INIP: variants seen among roughly 807,000 people sequenced by gnomAD.
INIP encodes INTS3 and NABP interacting protein.
Under a neutral mutation model 14.0 loss-of-function variants are expected in INIP, and 9 were observed. That is an observed-to-expected ratio of 0.64 (90% confidence interval 0.39 to 1.12). The LOEUF is 1.12. Among genes scored for constraint, INIP ranks in the 50% most tolerant of loss-of-function variants. The pLI, the probability that INIP is intolerant of heterozygous loss-of-function variation, is 0.01. For missense variants in INIP, 78 were observed against 122.7 expected (o/e 0.64, Z 1.72); for synonymous variants, 37 against 41.5 (o/e 0.89, Z 0.41).
intron 3 of INIP, 186 bp downstream of exon 3, chr9:112,693,945 G>A: frequency 2.7e-6 from 1 of 372,826 alleles, no homozygotes; most frequent in South Asian, 3.7e-5. Flanking sequence ...TGTCGTGGCA[G>A]GTGCCTGTAA....
At chr9:112,711,812 G>A (rs138021475) in intron 2 of INIP, among the ~76,000 whole-genome samples, 71 of 152,278 alleles carry the variant, frequency 4.7e-4, no homozygotes, top group East Asian at 1.9e-3. Context: ...ATAATTCTAC[G>A]AAACTCATGT....
chr9:112,713,845 G>T (rs550776528), intron 2 of INIP, among the ~76,000 whole-genome samples: 3 of 152,058 alleles, frequency 2.0e-5, no homozygotes, highest in African/African-American at 7.2e-5. Flanking sequence ...TTAGCCAGGC[G>T]CAGTGGCACG....
rs1172454395 is a variant in INIP, at chr9:112,685,443, A to G, written c.*2095T>C. On this transcript the variant is annotated 3_prime_UTR_variant, in exon 5 of 5. Transcript: ENST00000374242. ...GTAGGTATTAATAAATACATAGGAAATTGAATTGAATTTGTAACTCAAAGC... is the reference window on the plus strand; with the variant it reads ...GTAGGTATTAATAAATACATAGGAAGTTGAATTGAATTTGTAACTCAAAGC... 3 of 152,082 alleles carry G rather than the reference A, an allele frequency of 2.0e-5. No individual in the cohort carries two copies. The East Asian group carries it at 5.8e-4, about 29-fold the overall frequency. 9.4% of individuals were successfully genotyped at this position (152,082 alleles called of 1,614,324 possible).
intron 2 of INIP, among the ~76,000 whole-genome samples, chr9:112,706,078 G>C (rs1259286290): frequency 2.0e-5 from 3 of 152,030 alleles, no homozygotes; most frequent in Non-Finnish European, 4.4e-5. Flanking sequence ...ACTTGTTCAA[G>C]AAATAATGCA....
intron 2 of INIP, among the ~76,000 whole-genome samples, chr9:112,696,964 G>A (rs1346826701): frequency 6.6e-6 from 1 of 152,058 alleles, no homozygotes; most frequent in African/African-American, 2.4e-5. Context: ...TTTTCTGGAG[G>A]CTCCATTACA....
intron 1 of INIP, among the ~76,000 whole-genome samples, chr9:112,717,255 C>T (rs1300886951): frequency 6.6e-6 from 1 of 152,168 alleles, no homozygotes; most frequent in Non-Finnish European, 1.5e-5. Context: ...ACTGTGTACA[C>T]TGAAAGCTAA....
intron 2 of INIP, among the ~76,000 whole-genome samples, chr9:112,709,705 T>C (rs964091906): frequency 2.6e-5 from 4 of 152,234 alleles, no homozygotes; most frequent in Non-Finnish European, 5.9e-5. Context: ...AGTGAAGTTT[T>C]TCATTAGATA....
At chr9:112,715,025 T>A (rs1354298817) in intron 2 of INIP, among the ~76,000 whole-genome samples, 1 of 152,070 alleles carries the variant, frequency 6.6e-6, no homozygotes. Context: ...ACAGTAAAAA[T>A]ATGGTTTAGG....
rs772682472 is a variant in INIP at position 112,687,603 on chromosome 9, T to C, written c.250A>G (p.Ile84Val). The C allele has an allele frequency of 5.6e-6, 9 of 1,606,256 alleles. 1 individual carries two copies. The South Asian group carries it at 9.9e-5, about 18-fold the overall frequency. ...HAHAHSSGYF[I>V]TQDSAFGNLI... The stretch of plus-strand genomic sequence containing the variant: ...TTCCCAAATGCAGAGTCTTGAGTGA[T>C]GAAGTATCCAGATGAATGTGCATGA... Residue 84 changes from isoleucine to valine, a missense_variant, in exon 5 of 5, where the codon ATC becomes GTC. Coordinates refer to ENST00000374242, the MANE Select transcript of INIP (RefSeq NM_021218.3).
intron 4 of INIP, 107 bp downstream of exon 4, chr9:112,689,420 G>T: frequency 1.1e-6 from 1 of 875,902 alleles, no homozygotes; most frequent in Non-Finnish European, 1.9e-6. Flanking sequence ...ATTATGTGTG[G>T]AACATTTTTA....
rs1010476595 is a variant in INIP at position 112,685,017 on chromosome 9, A to G, written c.*2521T>C. On this transcript the variant is annotated 3_prime_UTR_variant, in exon 5 of 5. Coordinates refer to ENST00000374242, the MANE Select transcript of INIP (RefSeq NM_021218.3). Reference sequence around the variant, plus strand: ...TCCCTTGTCAGGTAAAAATCACATGAATACTTCTAAGCCTAGCCAGACCGC... The same window carrying G: ...TCCCTTGTCAGGTAAAAATCACATGGATACTTCTAAGCCTAGCCAGACCGC... 6.6e-6 allele frequency: 1 copy of G among 152,134 alleles called. No homozygotes were observed. The highest frequency in any genetic ancestry group is 2.4e-5 in the African/African-American group (1 of 41,402). 9.4% of individuals were successfully genotyped at this position (152,134 alleles called of 1,614,324 possible).
chr9:112,688,010 T>C (rs543943127), intron 4 of INIP, among the ~76,000 whole-genome samples: 9 of 151,996 alleles, frequency 5.9e-5, no homozygotes, highest in Non-Finnish European at 1.3e-4. Context: ...GGCATGAACC[T>C]GGGAGGTGGA....
chr9:112,701,269 C>T (rs1307330320), intron 2 of INIP, among the ~76,000 whole-genome samples: 1 of 152,156 alleles, frequency 6.6e-6, no homozygotes, highest in Non-Finnish European at 1.5e-5. Context: ...GATCGTGCCA[C>T]TGCACTCCAG....
chr9:112,693,362 CTT>C (rs1837960891), intron 3 of INIP, among the ~76,000 whole-genome samples: 2 of 152,320 alleles, frequency 1.3e-5, no homozygotes, highest in East Asian at 1.9e-4. Flanking sequence ...ACTCTAGACT[CTT>C]AGCCTAGGGA....
At chr9:112,689,821 C>T (rs898374884) in intron 3 of INIP, among the ~76,000 whole-genome samples, 2 of 152,098 alleles carry the variant, frequency 1.3e-5, no homozygotes, top group African/African-American at 2.4e-5. Context: ...TCCATCACCT[C>T]GCATACTTAC....
In INIP at chr9:112,694,124, T is replaced by C; in HGVS notation, c.128+7A>G. 6.5e-7 allele frequency: 1 copy of C among 1,543,770 alleles called. No homozygotes were observed. The highest frequency in any genetic ancestry group is 1.8e-5 in the Admixed American group (1 of 54,878). On this transcript the variant is annotated splice_region_variant and intron_variant, in intron 3 of 4. Transcript: ENST00000374242. Reference sequence around the variant, plus strand: ...CAAACAAAAAACCCACATTATAGTGTCAATACCTAGCTCCAGGATGATTTG... The same window carrying C: ...CAAACAAAAAACCCACATTATAGTGCCAATACCTAGCTCCAGGATGATTTG...
intron 4 of INIP, 43 bp downstream of exon 4, chr9:112,689,484 A>G (rs1378747815): frequency 6.7e-7 from 1 of 1,489,416 alleles, no homozygotes; most frequent in Non-Finnish European, 9.4e-7. Flanking sequence ...TCTGAGATCC[A>G]GGAAACCTCC....
intron 4 of INIP, among the ~76,000 whole-genome samples, chr9:112,688,301 A>G (rs1050542485): frequency 4.6e-5 from 7 of 152,126 alleles, no homozygotes; most frequent in African/African-American, 1.7e-4. Flanking sequence ...CAGTGAGGAA[A>G]ACAAGTATCA....
At chr9:112,697,208 G>A (rs979404767) in intron 2 of INIP, among the ~76,000 whole-genome samples, 4 of 152,108 alleles carry the variant, frequency 2.6e-5, no homozygotes, top group African/African-American at 9.7e-5. Context: ...TAGGAAATGG[G>A]GTTCAAGGAC....
Sources: gnomAD v4.1 joint callset for allele counts (sites outside exome capture counted in the v4.1 genomes callset) on GRCh38, gnomAD v4.1.1 for gene constraint, MANE v1.5 for transcripts, NCBI Gene and HGNC (gene_info 2026-07-23, HGNC 2026-07-21) for gene names.